Variants in APPL2 observed in about 807,000 individuals in gnomAD.
APPL2 encodes DCC-interacting protein 13-beta.
In APPL2, 84 loss-of-function variants were observed where a neutral mutation model predicts 92.7. That is an observed-to-expected ratio of 0.91 (90% CI 0.76 to 1.09). The LOEUF is 1.09. Among genes scored for constraint, APPL2 ranks in the 50% least tolerant of loss-of-function variants. The pLI is 0.00. For synonymous variants in APPL2, 291 were observed against 291.0 expected (o/e 1.00, Z 0.00); for missense variants, 736 against 824.5 (o/e 0.89, Z 1.31).
intron 10 of APPL2, among the ~76,000 whole-genome samples, chr12:105,198,813 T>C (rs1251864517): frequency 6.6e-6 from 1 of 152,256 alleles, no homozygotes; most frequent in Non-Finnish European, 1.5e-5. Flanking sequence ...CCAGCTGGGA[T>C]GTCTGATTCC....
intron 2 of APPL2, 129 bp from the exon 3 acceptor site, chr12:105,217,854 G>C (rs1889813388): frequency 4.0e-6 from 3 of 751,210 alleles, no homozygotes; most frequent in Non-Finnish European, 6.4e-6. Context: ...TATAATCCTA[G>C]TACTTTGGGA....
intron 1 of APPL2, among the ~76,000 whole-genome samples, chr12:105,233,849 T>C (rs1035470499): frequency 6.6e-6 from 1 of 152,252 alleles, no homozygotes; most frequent in African/African-American, 2.4e-5. Context: ...AGTTAATATA[T>C]GTAAAGCATT....
At chr12:105,186,422 C>T (rs1326120553) in intron 17 of APPL2, among the ~76,000 whole-genome samples, 1 of 151,882 alleles carries the variant, frequency 6.6e-6, no homozygotes, top group Non-Finnish European at 1.5e-5. Context: ...TTGGATATCA[C>T]GAAAAGGACT....
intron 1 of APPL2, chr12:105,233,353 T>C: frequency 1.0e-6 from 1 of 985,194 alleles, no homozygotes; most frequent in Non-Finnish European, 1.2e-6. Context: ...GCTTCCCACA[T>C]ATGAGAGGTA....
chr12:105,188,141 T>C (rs1886891881), intron 17 of APPL2, 132 bp downstream of exon 17: 1 of 982,638 alleles, frequency 1.0e-6, no homozygotes. Context: ...ATCTATCTTA[T>C]GTAAAAAGTA....
At chr12:105,210,178 T>C (rs1889096575) in intron 5 of APPL2, among the ~76,000 whole-genome samples, 2 of 152,148 alleles carry the variant, frequency 1.3e-5, no homozygotes, top group African/African-American at 2.4e-5. Context: ...GCCAGGATGG[T>C]CTCGATCTCC....
chr12:105,215,438 G>C (rs1236763769), intron 4 of APPL2, among the ~76,000 whole-genome samples: 3 of 152,166 alleles, frequency 2.0e-5, no homozygotes, highest in Non-Finnish European at 2.9e-5. Flanking sequence ...CTGTTTAGTA[G>C]GGTAGAGGAC....
intron 2 of APPL2, among the ~76,000 whole-genome samples, chr12:105,222,270 G>A (rs2440708): frequency 0.38 from 57,186 of 151,964 alleles, 11,547 homozygotes; most frequent in Middle Eastern, 0.54. Context: ...GCTCAGGCAC[G>A]GGTGGAAGAA....
intron 17 of APPL2, among the ~76,000 whole-genome samples, chr12:105,187,557 A>G (rs1474919035): frequency 6.6e-6 from 1 of 152,244 alleles, no homozygotes; most frequent in Non-Finnish European, 1.5e-5. Flanking sequence ...TTAGAAATGT[A>G]ATGGAAGCCT....
chr12:105,227,433 TC>T (rs1165221687), intron 2 of APPL2, among the ~76,000 whole-genome samples: 2 of 152,176 alleles, frequency 1.3e-5, no homozygotes, highest in African/African-American at 4.8e-5. Flanking sequence ...AATCAGTGTT[TC>T]CAGAGAGAAT....
intron 17 of APPL2, among the ~76,000 whole-genome samples, chr12:105,186,701 T>TATCA (rs1285621156): frequency 1.2e-4 from 17 of 136,024 alleles, no homozygotes; most frequent in Admixed American, 2.2e-4. Flanking sequence ...TCATATATCA[T>TATCA]ATCATATATC....
chr12:105,190,999 T>C (rs1386755705), intron 14 of APPL2, among the ~76,000 whole-genome samples: 1 of 152,286 alleles, frequency 6.6e-6, no homozygotes, highest in Non-Finnish European at 1.5e-5. Flanking sequence ...TGTATTTTGA[T>C]TTCTTTCATT....
At chr12:105,208,499 A>C (rs1043195838) in intron 5 of APPL2, among the ~76,000 whole-genome samples, 2 of 152,190 alleles carry the variant, frequency 1.3e-5, no homozygotes, top group Non-Finnish European at 2.9e-5. Context: ...AGTGTGGTGG[A>C]CAGGTACTTT....
intron 2 of APPL2, among the ~76,000 whole-genome samples, chr12:105,219,278 T>C (rs925189656): frequency 1.3e-5 from 2 of 152,234 alleles, no homozygotes; most frequent in African/African-American, 4.8e-5. Flanking sequence ...CTGGCCAACC[T>C]GTTCCCTGAC....
intron 17 of APPL2, among the ~76,000 whole-genome samples, chr12:105,182,921 C>T (rs1027913594): frequency 5.3e-5 from 8 of 151,332 alleles, no homozygotes; most frequent in African/African-American, 1.7e-4. Flanking sequence ...ACTTGTTTTA[C>T]GAATCTGGGT....
At chr12:105,213,247 A>C (rs1346576528) in intron 4 of APPL2, among the ~76,000 whole-genome samples, 1 of 152,216 alleles carries the variant, frequency 6.6e-6, no homozygotes, top group African/African-American at 2.4e-5. Context: ...CCAAGAATTA[A>C]GGGGGTTATG....
At chr12:105,174,881 G>GGT (rs149782508) in intron 20 of APPL2, among the ~76,000 whole-genome samples, 19,192 of 140,780 alleles carry the variant, frequency 0.14, 3,267 homozygotes, top group African/African-American at 0.22. Flanking sequence ...TTTGGTGGGG[G>GGT]GGGGGGTGGT....
Position 105,207,393 on chromosome 12 carries a change from C to G in APPL2, c.475-186G>C, listed in dbSNP as rs77272199. Among the ~76,000 whole-genome samples the G allele has an allele frequency of 3.6e-3, 548 of 152,362 alleles. 5 individuals carry two copies. Among genetic ancestry groups the G allele is most frequent in the African/African-American group, 0.013 (524 of 41,582 alleles). Reference sequence around the variant, plus strand: ...ATTAAAAATATGCAAGAAACAGCATCTCAGTGCTTGTGAGGCCGCGGTGAG... The same window carrying G: ...ATTAAAAATATGCAAGAAACAGCATGTCAGTGCTTGTGAGGCCGCGGTGAG... On this transcript the variant is annotated intron_variant, in intron 7 of 20. Coordinates refer to ENST00000258530, the MANE Select transcript of APPL2 (RefSeq NM_018171.5).
At chr12:105,181,421 GTTTT>G (rs547966437) in intron 17 of APPL2, among the ~76,000 whole-genome samples, 6 of 151,958 alleles carry the variant, frequency 3.9e-5, no homozygotes, top group African/African-American at 1.4e-4. Context: ...CTGAAATTGT[GTTTT>G]TTTATTGTGT....
Sources: gnomAD v4.1 joint callset for allele counts (sites outside exome capture counted in the v4.1 genomes callset) on GRCh38, gnomAD v4.1.1 for gene constraint, MANE v1.5 for transcripts, NCBI Gene and HGNC (gene_info 2026-07-23, HGNC 2026-07-21) for gene names.